The following GALNT13 variants were observed in gnomAD, a reference collection of about 807,000 sequenced individuals.
GALNT13 encodes UDP-GalNAc:polypeptide N-acetylgalactosaminyltransferase 13.
In GALNT13, 28 loss-of-function variants were observed where a neutral mutation model predicts 64.2. The ratio of observed to expected loss-of-function variants is 0.44; its 90% confidence interval spans 0.32 to 0.60. The LOEUF (loss-of-function observed/expected upper bound fraction) is 0.60, where lower values mean the gene tolerates loss of function less well. Among genes scored for constraint, GALNT13 ranks in the 20% least tolerant of loss-of-function variants. The pLI is 0.05. For synonymous variants in GALNT13, 214 were observed against 224.6 expected, an observed-to-expected ratio of 0.95 and a Z score of 0.42; for missense variants, 577 against 669.8, an observed-to-expected ratio of 0.86 and a Z score of 1.53.
chr2:154,111,877 A>G (rs1310752570), intron 3 of GALNT13, among the ~76,000 whole-genome samples: 4 of 152,162 alleles, frequency 2.6e-5, no homozygotes, highest in South Asian at 2.1e-4. Context: ...GATGGGAAAC[A>G]TGGTAAGACC....
At chr2:153,976,039 A>T (rs1694056220) in intron 3 of GALNT13, among the ~76,000 whole-genome samples, 1 of 152,104 alleles carries the variant, frequency 6.6e-6, no homozygotes, top group South Asian at 2.1e-4. Context: ...TGACCATTCC[A>T]GCTGACATTG....
At chr2:154,126,621 C>A (rs1444504378) in intron 3 of GALNT13, among the ~76,000 whole-genome samples, 4 of 142,324 alleles carry the variant, frequency 2.8e-5, no homozygotes, top group African/African-American at 8.0e-5. Context: ...GACGACAGAG[C>A]GAGACTCCGT....
chr2:154,265,111 G>A (rs766469999), intron 8 of GALNT13, among the ~76,000 whole-genome samples: 9 of 151,856 alleles, frequency 5.9e-5, no homozygotes, highest in East Asian at 1.9e-4. Context: ...CAGAAAGGTG[G>A]CATGACCACC....
At chr2:153,405,025 G>A in the GALNT13 span, among the ~76,000 whole-genome samples, 3 of 152,170 alleles carry the variant, frequency 2.0e-5, no homozygotes, top group Non-Finnish European at 2.9e-5. Flanking sequence ...ACATACTACT[G>A]CTAGCCAGAG....
At chr2:153,945,550 A>G (rs867233959) in intron 3 of GALNT13, among the ~76,000 whole-genome samples, 1 of 152,144 alleles carries the variant, frequency 6.6e-6, no homozygotes, top group Non-Finnish European at 1.5e-5. Flanking sequence ...GGAAAAGTGA[A>G]TCTAAATTAT....
chr2:154,436,198 A>G (rs1257451852), intron 11 of GALNT13: 1 of 149,068 alleles, frequency 6.7e-6, no homozygotes, highest in Non-Finnish European at 1.5e-5. Context: ...TACAAAGGCC[A>G]AAAAAAATTT....
At chr2:153,238,999 A>G in the GALNT13 span, among the ~76,000 whole-genome samples, 4 of 152,056 alleles carry the variant, frequency 2.6e-5, no homozygotes, top group South Asian at 8.3e-4. Context: ...CCATTTTTTT[A>G]GTGTCCTGTT....
At chr2:153,750,572 A>G in the GALNT13 span, among the ~76,000 whole-genome samples, 1 of 151,528 alleles carries the variant, frequency 6.6e-6, no homozygotes, top group Non-Finnish European at 1.5e-5. Context: ...GTGTCTAGGA[A>G]TTTTACCATT....
chr2:154,044,315 A>T (rs1218258501), intron 3 of GALNT13, among the ~76,000 whole-genome samples: 1 of 152,196 alleles, frequency 6.6e-6, no homozygotes, highest in Admixed American at 6.5e-5. Flanking sequence ...AAAGCTCAAG[A>T]GTAGAAACCT....
At chr2:153,276,177 G>A in the GALNT13 span, among the ~76,000 whole-genome samples, 18 of 152,074 alleles carry the variant, frequency 1.2e-4, no homozygotes, top group East Asian at 3.1e-3. Context: ...TTAATATTGT[G>A]AATATTATTT....
Position 154,003,415 on chromosome 2 carries a change from T to G in GALNT13, c.142+58776T>G, listed in dbSNP as rs189599460. On this transcript the variant is annotated intron_variant, in intron 3 of 12. Transcript: ENST00000392825. The stretch of plus-strand genomic sequence containing the variant: ...CGTTTACCAGCTGTGGCTTCTGTCA[T>G]TTTTGTGGCTCAGGGTATTTTTGTG... 2.1e-3 allele frequency among the ~76,000 whole-genome samples: 319 copies of G among 152,302 alleles called. 3 individuals carry two copies. Among genetic ancestry groups the G allele is most frequent in the Admixed American group, 0.018 (276 of 15,294 alleles).
At chr2:153,142,758 A>G in the GALNT13 span, among the ~76,000 whole-genome samples, 15 of 152,080 alleles carry the variant, frequency 9.9e-5, 1 homozygote, top group Admixed American at 9.2e-4. Context: ...TAGTGAAGTT[A>G]GCCTGACAAG....
At chr2:153,126,407 G>A in the GALNT13 span, among the ~76,000 whole-genome samples, 1 of 146,130 alleles carries the variant, frequency 6.8e-6, no homozygotes, top group South Asian at 2.2e-4. Flanking sequence ...AATAAAGAAC[G>A]AATAAACAAT....
chr2:153,452,977 G>GT, the GALNT13 span, among the ~76,000 whole-genome samples: 1 of 152,086 alleles, frequency 6.6e-6, no homozygotes, highest in African/African-American at 2.4e-5. Flanking sequence ...TTGCACAGCT[G>GT]TAACCATCTG....
the GALNT13 span, among the ~76,000 whole-genome samples, chr2:153,788,140 A>G: frequency 2.0e-5 from 3 of 152,154 alleles, no homozygotes; most frequent in Admixed American, 6.5e-5. Context: ...ATACATAATC[A>G]TCAGATTCCC....
At chr2:153,217,182 T>A in the GALNT13 span, among the ~76,000 whole-genome samples, 1 of 152,070 alleles carries the variant, frequency 6.6e-6, no homozygotes, top group Admixed American at 6.6e-5. Flanking sequence ...TTTTTATTTG[T>A]TGTATTAAGT....
At chr2:154,147,599 ACT>A (rs1683691794) in intron 4 of GALNT13, among the ~76,000 whole-genome samples, 1 of 151,286 alleles carries the variant, frequency 6.6e-6, no homozygotes, top group Admixed American at 6.6e-5. Context: ...GGCCAATGAA[ACT>A]CTTTGCTAGG....
intron 9 of GALNT13, among the ~76,000 whole-genome samples, chr2:154,303,870 G>A (rs1693586987): frequency 6.6e-6 from 1 of 151,614 alleles, no homozygotes; most frequent in African/African-American, 2.4e-5. Flanking sequence ...GGATTCTCCT[G>A]CCTCAGCCTC....
chr2:153,815,476 C>A, the GALNT13 span, among the ~76,000 whole-genome samples: 1 of 152,142 alleles, frequency 6.6e-6, no homozygotes, highest in Admixed American at 6.5e-5. Context: ...GAAATATGCA[C>A]GTCTTCAGAT....
Sources: gnomAD v4.1 joint callset for allele counts (sites outside exome capture counted in the v4.1 genomes callset) on GRCh38, gnomAD v4.1.1 for gene constraint, MANE v1.5 for transcripts, NCBI Gene and HGNC (gene_info 2026-07-23, HGNC 2026-07-21) for gene names.